The following ARHGAP15 variants were observed in gnomAD, a reference collection of about 807,000 sequenced individuals.
ARHGAP15 encodes Rho GTPase activating protein 15, also known as rho GTPase-activating protein 15.
In ARHGAP15, 51 loss-of-function variants were observed where a neutral mutation model predicts 63.7. That is an observed-to-expected ratio of 0.80 (90% CI 0.64 to 1.01). The LOEUF is 1.01. Among genes scored for constraint, ARHGAP15 ranks in the 50% least tolerant of loss-of-function variants. ARHGAP15 has a pLI of 0.00. For missense variants in ARHGAP15, 560 were observed against 564.6 expected (o/e 0.99, Z 0.08); for synonymous variants, 191 against 193.8 (o/e 0.99, Z 0.12).
At chr2:143,226,821 G>C (rs1452023834) in intron 4 of ARHGAP15, among the ~76,000 whole-genome samples, 1 of 152,122 alleles carries the variant, frequency 6.6e-6, no homozygotes, top group Non-Finnish European at 1.5e-5. Flanking sequence ...TAACACAATG[G>C]TGTATCATTA....
At chr2:143,534,030 G>A (rs72856089) in intron 10 of ARHGAP15, among the ~76,000 whole-genome samples, 32,086 of 152,058 alleles carry the variant, frequency 0.21, 3,676 homozygotes, top group Middle Eastern at 0.28. Flanking sequence ...TGAGCCTGAT[G>A]GAGTTAGGCT....
intron 9 of ARHGAP15, among the ~76,000 whole-genome samples, chr2:143,502,476 C>T (rs887008869): frequency 3.3e-5 from 5 of 152,078 alleles, no homozygotes; most frequent in Non-Finnish European, 7.4e-5. Flanking sequence ...AAAGCACTTC[C>T]CTGTGATAAG....
chr2:143,406,419 C>T (rs1688200637), intron 6 of ARHGAP15, among the ~76,000 whole-genome samples: 3 of 151,820 alleles, frequency 2.0e-5, no homozygotes, highest in African/African-American at 7.3e-5. Flanking sequence ...TTTGGTGGAT[C>T]ATTGATACTG....
chr2:143,502,157 C>T (rs1693092064), intron 9 of ARHGAP15, among the ~76,000 whole-genome samples: 1 of 152,024 alleles, frequency 6.6e-6, no homozygotes, highest in African/African-American at 2.4e-5. Flanking sequence ...ACCAGTAATC[C>T]CAGCATTTTG....
At chr2:143,199,113 A>G (rs960463917) in intron 2 of ARHGAP15, among the ~76,000 whole-genome samples, 1 of 152,192 alleles carries the variant, frequency 6.6e-6, no homozygotes, top group African/African-American at 2.4e-5. Flanking sequence ...TACCAAATGC[A>G]TATATTCTTT....
intron 10 of ARHGAP15, among the ~76,000 whole-genome samples, chr2:143,552,061 G>A (rs1378249239): frequency 6.6e-6 from 1 of 152,206 alleles, no homozygotes; most frequent in Non-Finnish European, 1.5e-5. Flanking sequence ...TTCGCCGGAG[G>A]GAGAAGCCAG....
intron 6 of ARHGAP15, among the ~76,000 whole-genome samples, chr2:143,278,043 T>C (rs1270481363): frequency 6.6e-6 from 1 of 152,168 alleles, no homozygotes; most frequent in Non-Finnish European, 1.5e-5. Context: ...ATCCCATATT[T>C]ATATACTAAA....
intron 13 of ARHGAP15, among the ~76,000 whole-genome samples, chr2:143,752,091 C>G (rs970293537): frequency 6.6e-6 from 1 of 152,112 alleles, no homozygotes; most frequent in African/African-American, 2.4e-5. Context: ...TTCTCTGAGT[C>G]GGGCCCCCTT....
At chr2:143,241,231 A>G (rs1217825668) in intron 5 of ARHGAP15, among the ~76,000 whole-genome samples, 1 of 152,196 alleles carries the variant, frequency 6.6e-6, no homozygotes, top group Non-Finnish European at 1.5e-5. Context: ...AGGGGCTTTC[A>G]AGTCAGATCA....
At chr2:143,244,270 G>A (rs1015000948) in intron 5 of ARHGAP15, among the ~76,000 whole-genome samples, 1 of 146,556 alleles carries the variant, frequency 6.8e-6, no homozygotes, top group Non-Finnish European at 1.5e-5. Flanking sequence ...TTACTGGATA[G>A]CTAGGGGAAA....
At chr2:143,256,904 G>C (rs1361826291) in intron 6 of ARHGAP15, among the ~76,000 whole-genome samples, 1 of 152,084 alleles carries the variant, frequency 6.6e-6, no homozygotes, top group Non-Finnish European at 1.5e-5. Flanking sequence ...TTTGACTGAT[G>C]AAAGGAGAAA....
intron 8 of ARHGAP15, among the ~76,000 whole-genome samples, chr2:143,440,688 T>C (rs1437800884): frequency 6.6e-6 from 1 of 152,148 alleles, no homozygotes; most frequent in Non-Finnish European, 1.5e-5. Context: ...GCCAACACTA[T>C]TAAGAACGAA....
At chr2:143,757,347 T>C (rs1449250860) in intron 13 of ARHGAP15, among the ~76,000 whole-genome samples, 2 of 151,894 alleles carry the variant, frequency 1.3e-5, no homozygotes, top group African/African-American at 2.4e-5. Context: ...CCGTCTCTAC[T>C]AAAAATACAA....
chr2:143,643,042 AAATTAACT>A (rs1200529979), intron 12 of ARHGAP15, among the ~76,000 whole-genome samples: 1 of 143,982 alleles, frequency 6.9e-6, no homozygotes, highest in African/African-American at 2.4e-5. Context: ...CTTGGTCAAT[AAATTAACT>A]AATTAATTGC....
intron 6 of ARHGAP15, among the ~76,000 whole-genome samples, chr2:143,417,775 G>A (rs1238441949): frequency 6.6e-6 from 1 of 152,126 alleles, no homozygotes; most frequent in African/African-American, 2.4e-5. Context: ...CATTTTGTTA[G>A]ACATTATAAA....
intron 12 of ARHGAP15, among the ~76,000 whole-genome samples, chr2:143,637,054 C>T (rs942951641): frequency 6.6e-6 from 1 of 152,006 alleles, no homozygotes; most frequent in African/African-American, 2.4e-5. Context: ...TGTAAGGGCA[C>T]TAATCCTACC....
chr2:143,516,209 A>T (rs954393317), intron 9 of ARHGAP15, among the ~76,000 whole-genome samples: 2 of 152,204 alleles, frequency 1.3e-5, no homozygotes. Flanking sequence ...CTTGGTTGTT[A>T]TATTACCAGA....
At chr2:143,614,245 A>G (rs1385119177) in intron 11 of ARHGAP15, among the ~76,000 whole-genome samples, 1 of 152,192 alleles carries the variant, frequency 6.6e-6, no homozygotes, top group Non-Finnish European at 1.5e-5. Context: ...CTATGTTCCC[A>G]TAGCAGTCTG....
chr2:143,215,916 G>A (rs1692738492), intron 3 of ARHGAP15, among the ~76,000 whole-genome samples: 1 of 152,186 alleles, frequency 6.6e-6, no homozygotes, highest in Non-Finnish European at 1.5e-5. Context: ...TATATGAAAT[G>A]TTGCTATTTT....
Sources: allele counts gnomAD v4.1 joint callset (sites outside exome capture counted in the v4.1 genomes callset), GRCh38; gene constraint gnomAD v4.1.1; transcripts MANE v1.5; gene names NCBI Gene and HGNC (gene_info 2026-07-23, HGNC 2026-07-21).